FOXP2: variants seen among roughly 807,000 people sequenced by gnomAD.
FOXP2 encodes the protein forkhead box P2, also known as forkhead box protein P2.
In FOXP2, 12 loss-of-function variants were observed where a neutral mutation model predicts 115.8. The observed-to-expected ratio is 0.10, with a 90% CI of 0.07 to 0.17. The LOEUF is 0.17. Ranked by LOEUF, FOXP2 falls within the 10% of genes least tolerant of loss-of-function variation. FOXP2 has a pLI of 1.00. For missense variants in FOXP2, 629 were observed against 843.5 expected (o/e 0.75, Z 3.15); for synonymous variants, 328 against 297.7 (o/e 1.10, Z -1.05).
intron 3 of FOXP2, among the ~76,000 whole-genome samples, chr7:114,605,602 G>T (rs1187661477): frequency 6.6e-6 from 1 of 152,178 alleles, no homozygotes; most frequent in Non-Finnish European, 1.5e-5. Context: ...CTGCATAGAG[G>T]TGGGCGCTGT....
At chr7:114,215,131 A>G (rs1794454253) in intron 1 of FOXP2, among the ~76,000 whole-genome samples, 1 of 152,152 alleles carries the variant, frequency 6.6e-6, no homozygotes, top group Non-Finnish European at 1.5e-5. Flanking sequence ...AATCCTTAAT[A>G]ATTAATTATA....
intron 3 of FOXP2, among the ~76,000 whole-genome samples, chr7:114,546,614 G>A (rs1410595162): frequency 1.3e-5 from 2 of 151,618 alleles, no homozygotes; most frequent in Non-Finnish European, 2.9e-5. Flanking sequence ...TATCTGATTG[G>A]CAAACTCCTA....
At chr7:114,451,698 G>A (rs10262192) in intron 2 of FOXP2, among the ~76,000 whole-genome samples, 65,844 of 151,768 alleles carry the variant, frequency 0.43, 14,525 homozygotes, top group Admixed American at 0.5. Flanking sequence ...TTGGCTTATG[G>A]TAGCTGCTTA....
At chr7:114,429,605 G>C (rs1328619481) in intron 2 of FOXP2, among the ~76,000 whole-genome samples, 1 of 151,508 alleles carries the variant, frequency 6.6e-6, no homozygotes, top group Non-Finnish European at 1.5e-5. Flanking sequence ...GGTCAAAATA[G>C]TTGCTAAAAC....
At chr7:114,666,846 A>T (rs1807188679) in intron 16 of FOXP2, 1 of 152,174 alleles carries the variant, frequency 6.6e-6, no homozygotes. Context: ...GGTAAGTAAT[A>T]ATATAATGCT....
intron 2 of FOXP2, among the ~76,000 whole-genome samples, chr7:114,315,637 A>AC: frequency 6.8e-6 from 1 of 146,650 alleles, no homozygotes; most frequent in Non-Finnish European, 1.5e-5. Context: ...CACACACACA[A>AC]ACAAACATAA....
At chr7:114,573,488 G>T (rs1212800083) in intron 3 of FOXP2, among the ~76,000 whole-genome samples, 1 of 151,472 alleles carries the variant, frequency 6.6e-6, no homozygotes, top group African/African-American at 2.4e-5. Flanking sequence ...AGATAGATGG[G>T]GTACCTAAAG....
chr7:114,165,794 G>A (rs1463900987), intron 1 of FOXP2, among the ~76,000 whole-genome samples: 1 of 152,134 alleles, frequency 6.6e-6, no homozygotes, highest in Non-Finnish European at 1.5e-5. Flanking sequence ...AAAGGAAGAG[G>A]CCCACATTAG....
At position 114,585,522 on chromosome 7, in the gene FOXP2, A is replaced by G. The variant is rs1324632648; in HGVS notation, c.259-43018A>G. Among the ~76,000 whole-genome samples the G allele has an allele frequency of 2.0e-5, 3 of 151,930 alleles. No individual in the cohort carries two copies. The East Asian group carries it at 5.8e-4, about 29-fold the overall frequency. On this transcript the variant is annotated intron_variant, in intron 3 of 16. Transcript: ENST00000350908. ...TGCATTTTAACACGGTCTTCAGTTA[A>G]TTTATGCTCATTAAAATTTAAGAAG...
intron 3 of FOXP2, among the ~76,000 whole-genome samples, chr7:114,547,934 A>C (rs1325513931): frequency 6.6e-6 from 1 of 152,298 alleles, no homozygotes; most frequent in East Asian, 1.9e-4. Context: ...TAAATTTACT[A>C]TGAAGTTTAT....
chr7:114,598,665 A>C (rs575026464), intron 3 of FOXP2, among the ~76,000 whole-genome samples: 1 of 152,286 alleles, frequency 6.6e-6, no homozygotes, highest in African/African-American at 2.4e-5. Flanking sequence ...AATAGTGTTA[A>C]GTATATTCAC....
intron 1 of FOXP2, among the ~76,000 whole-genome samples, chr7:114,266,062 G>C (rs867408565): frequency 3.3e-5 from 5 of 149,686 alleles, no homozygotes; most frequent in African/African-American, 1.3e-4. Flanking sequence ...TTGAATATTA[G>C]CACTTCAATG....
At chr7:114,381,309 C>T (rs945580103) in intron 2 of FOXP2, among the ~76,000 whole-genome samples, 9 of 152,100 alleles carry the variant, frequency 5.9e-5, no homozygotes, top group Non-Finnish European at 1.5e-5. Context: ...AACCTGTAGC[C>T]ACAGGTAGTG....
intron 1 of FOXP2, among the ~76,000 whole-genome samples, chr7:114,262,023 A>G (rs940538841): frequency 6.6e-6 from 1 of 152,020 alleles, no homozygotes; most frequent in Admixed American, 6.6e-5. Context: ...ACGCCATTGT[A>G]CTCCAGCCTG....
At chr7:114,098,918 G>C (rs932035360) in intron 1 of FOXP2, among the ~76,000 whole-genome samples, 1 of 152,138 alleles carries the variant, frequency 6.6e-6, no homozygotes, top group Non-Finnish European at 1.5e-5. Context: ...CAGGTGGAAT[G>C]CTTGATCCCA....
chr7:114,619,671 T>A (rs1804136581), intron 3 of FOXP2, among the ~76,000 whole-genome samples: 1 of 152,094 alleles, frequency 6.6e-6, no homozygotes, highest in Admixed American at 6.6e-5. Flanking sequence ...AAAGAAACTG[T>A]ATCCTCCTTT....
intron 2 of FOXP2, among the ~76,000 whole-genome samples, chr7:114,386,522 G>A (rs940584550): frequency 5.3e-5 from 8 of 152,162 alleles, no homozygotes; most frequent in Non-Finnish European, 1.2e-4. Context: ...GGTTTCTCCT[G>A]GGCACAAGAT....
intron 1 of FOXP2, among the ~76,000 whole-genome samples, chr7:114,156,725 T>A (rs1792681409): frequency 6.6e-6 from 1 of 152,188 alleles, no homozygotes; most frequent in African/African-American, 2.4e-5. Flanking sequence ...TTCAAATATT[T>A]TTCAAACTTG....
intron 1 of FOXP2, among the ~76,000 whole-genome samples, chr7:114,148,149 T>A (rs919021968): frequency 1.3e-5 from 2 of 152,094 alleles, no homozygotes; most frequent in African/African-American, 4.8e-5. Flanking sequence ...TGTAGATCTT[T>A]TAAGTAATTG....
Sources: gnomAD v4.1 joint callset for allele counts (sites outside exome capture counted in the v4.1 genomes callset) on GRCh38, gnomAD v4.1.1 for gene constraint, MANE v1.5 for transcripts, NCBI Gene and HGNC (gene_info 2026-07-23, HGNC 2026-07-21) for gene names.